The following PIEZO2 variants were observed in gnomAD, a reference collection of about 807,000 sequenced individuals.
The protein encoded by PIEZO2 is piezo-type mechanosensitive ion channel component 2.
Under a neutral mutation model 337.3 loss-of-function variants are expected in PIEZO2, and 172 were observed. The observed-to-expected ratio is 0.51, with a 90% confidence interval of 0.45 to 0.58. PIEZO2 has a LOEUF of 0.58. PIEZO2 is among the 20% of genes least tolerant of loss of function. The pLI, the probability that PIEZO2 is intolerant of heterozygous loss-of-function variation, is 0.00. For missense variants in PIEZO2, 3,028 were observed against 3,391.3 expected (o/e 0.89, Z 2.66); for synonymous variants, 1,251 against 1,228.5 (o/e 1.02, Z -0.38).
At chr18:11,044,866 T>C (rs2037246046) in intron 2 of PIEZO2, among the ~76,000 whole-genome samples, 1 of 152,204 alleles carries the variant, frequency 6.6e-6, no homozygotes, top group Non-Finnish European at 1.5e-5. Flanking sequence ...GAAAATGTAT[T>C]GGCTGGGTGC....
At chr18:10,845,215 A>AAC (rs747507691) in intron 7 of PIEZO2, among the ~76,000 whole-genome samples, 2 of 121,104 alleles carry the variant, frequency 1.7e-5, no homozygotes, top group Non-Finnish European at 3.6e-5. Flanking sequence ...TATATATATA[A>AAC]ACACACACAC....
chr18:11,052,540 T>G (rs928711073), intron 2 of PIEZO2, among the ~76,000 whole-genome samples: 1 of 152,200 alleles, frequency 6.6e-6, no homozygotes, highest in African/African-American at 2.4e-5. Flanking sequence ...ACAAGTCTAA[T>G]TTAATCAGTT....
At chr18:10,680,151 T>G in intron 52 of PIEZO2, 48 bp downstream of exon 52, 3 of 1,510,944 alleles carry the variant, frequency 2.0e-6, no homozygotes, top group Non-Finnish European at 1.8e-6. Context: ...CAACTCCATG[T>G]TTAGACTGGG....
rs551938645 is a variant in PIEZO2, at chr18:10,775,803, T to A, written c.2535-1765A>T. 2.6e-4 allele frequency among the ~76,000 whole-genome samples: 40 copies of A among 152,084 alleles called. No homozygotes were observed. Among genetic ancestry groups the A allele is most frequent in the African/African-American group, 9.4e-4 (39 of 41,486 alleles). On this transcript the variant is annotated intron_variant, in intron 18 of 55. Transcript: ENST00000674853. This position sits in a 1 kb window ranked among gnomAD's most constrained non-coding sequence, Gnocchi z 4.3. ...GGGACAAGATGCAGCTGCGGACAAA[T>A]GAGAAGGGCATCTCTGCATCCAACA...
intron 2 of PIEZO2, among the ~76,000 whole-genome samples, chr18:11,046,316 C>T (rs954978989): frequency 5.9e-5 from 9 of 152,252 alleles, no homozygotes; most frequent in African/African-American, 4.8e-5. Flanking sequence ...TCTCACTGCT[C>T]TCAGCTCACT....
rs1170508646 is a variant in PIEZO2, at chr18:11,116,678, G to A, written c.64+31847C>T. On this transcript the variant is annotated intron_variant, in intron 1 of 55. Coordinates refer to ENST00000674853, the MANE Select transcript of PIEZO2 (RefSeq NM_001378183.1). This position sits in a 1 kb window ranked among gnomAD's most constrained non-coding sequence, Gnocchi z 5.0. ...TTGCAGTGAGCCGAGATCCGCCACC[G>A]CACTCCAGCCTGGGCGACAGAACGA... 5.9e-5 allele frequency among the ~76,000 whole-genome samples: 9 copies of A among 151,360 alleles called. No homozygotes were observed. Among genetic ancestry groups the A allele is most frequent in the Admixed American group, 4.6e-4 (7 of 15,208 alleles).
intron 3 of PIEZO2, among the ~76,000 whole-genome samples, chr18:10,927,844 T>C (rs2031841210): frequency 1.3e-5 from 2 of 152,168 alleles, no homozygotes; most frequent in Non-Finnish European, 2.9e-5. Flanking sequence ...TATAGCAGGC[T>C]CGCTTTATTT....
chr18:11,065,918 A>T (rs1002306675), intron 2 of PIEZO2, among the ~76,000 whole-genome samples: 1 of 152,224 alleles, frequency 6.6e-6, no homozygotes, highest in African/African-American at 2.4e-5. Flanking sequence ...GAATTTGTTA[A>T]CTGTGTAAGT....
intron 2 of PIEZO2, among the ~76,000 whole-genome samples, chr18:10,989,885 T>C (rs2035023687): frequency 6.6e-6 from 1 of 152,204 alleles, no homozygotes; most frequent in Non-Finnish European, 1.5e-5. Context: ...ATACAGCCTT[T>C]CTGGAAGCCA....
chr18:11,141,204 C>A (rs1383618237), intron 1 of PIEZO2, among the ~76,000 whole-genome samples: 1 of 152,150 alleles, frequency 6.6e-6, no homozygotes, highest in Non-Finnish European at 1.5e-5. Context: ...GCTGACGGGG[C>A]CTTCTATCAA....
At chr18:10,793,056 C>T (rs2144191116) in intron 13 of PIEZO2, among the ~76,000 whole-genome samples, 1 of 152,254 alleles carries the variant, frequency 6.6e-6, no homozygotes, top group South Asian at 2.1e-4. Context: ...GAGATCGAGA[C>T]CATCCTGGCT....
At position 10,954,667 on chromosome 18, in the gene PIEZO2, C is replaced by A. The variant is rs1303416169; in HGVS notation, c.286+24868G>T. 6.6e-6 allele frequency among the ~76,000 whole-genome samples: 1 copy of A among 152,114 alleles called. No individual in the cohort carries two copies. Among genetic ancestry groups the A allele is most frequent in the Non-Finnish European group, 1.5e-5 (1 of 68,014 alleles). The stretch of plus-strand genomic sequence containing the variant: ...CTAGAGTGATGGCGGCACTCGAAGT[C>A]CACTGCAGTCCACTTTTGGGACTGG... On this transcript the variant is annotated intron_variant, in intron 3 of 55. Transcript: ENST00000674853. This position sits in a 1 kb window ranked among gnomAD's most constrained non-coding sequence, Gnocchi z 4.2.
chr18:11,045,959 T>A (rs369743156), intron 2 of PIEZO2, among the ~76,000 whole-genome samples: 1 of 152,204 alleles, frequency 6.6e-6, no homozygotes, highest in Non-Finnish European at 1.5e-5. Flanking sequence ...TGCGATAGGT[T>A]GTCGCATGAA....
At chr18:11,058,560 C>T (rs111285098) in intron 2 of PIEZO2, among the ~76,000 whole-genome samples, 4,704 of 152,060 alleles carry the variant, frequency 0.031, 102 homozygotes, top group South Asian at 0.1. Context: ...CTAGAATAAC[C>T]AGTGCAGAGA....
intron 2 of PIEZO2, among the ~76,000 whole-genome samples, chr18:11,052,225 A>G (rs7227092): frequency 0.11 from 17,172 of 152,196 alleles, 1,052 homozygotes; most frequent in South Asian, 0.21. Flanking sequence ...AGTGCTTCAG[A>G]TAAAGAACCT....
In PIEZO2 at chr18:10,781,904, C is replaced by G. The variant is rs1044372061; in HGVS notation, c.2493-1538G>C. Among the ~76,000 whole-genome samples, 13 of 151,928 alleles carry G rather than the reference C, an allele frequency of 8.6e-5. No individual in the cohort carries two copies. Among genetic ancestry groups the G allele is most frequent in the African/African-American group, 3.1e-4 (13 of 41,360 alleles). On this transcript the variant is annotated intron_variant, in intron 17 of 55. Transcript: ENST00000674853. The surrounding 1 kb of genome is among the most constrained non-coding windows in gnomAD (Gnocchi z 4.1). ...AAAGCAACTGTTTAGGAGGCAGGAG[C>G]AGAGAAAGCAAAGCCTGACAGTCAA...
Position 10,714,871 on chromosome 18 carries a change from A to C in PIEZO2, c.5316T>G (p.Leu1772=), listed in dbSNP as rs1268289804. The change falls in exon 39 of 56, where the codon CTT becomes CTG. Residue 1772 remains leucine, a synonymous_variant. Coordinates refer to ENST00000674853, the MANE Select transcript of PIEZO2 (RefSeq NM_001378183.1). ...TGGTGTCCAGTCCCGACTCTCTGGA[A>C]AGGTTCATGATGTGGTTCTGATAGT... ...HMYYQNHIMN[L]SRESGLDTID... is the part of the protein sequence containing the mutation. The C allele has an allele frequency of 6.5e-7, 1 of 1,537,220 alleles. No homozygotes were observed. The highest frequency in any genetic ancestry group is 1.2e-5 in the South Asian group (1 of 84,052).
chr18:10,871,344 A>C lies in PIEZO2; in HGVS notation c.401T>G (p.Leu134Arg). 1 of 1,537,394 alleles carries C rather than the reference A, an allele frequency of 6.5e-7. No homozygotes were observed. The highest frequency in any genetic ancestry group is 8.7e-7 in the Non-Finnish European group (1 of 1,146,890). The change falls in exon 5 of 56, where the codon CTG becomes CGG. Residue 134 changes from leucine to arginine, a missense_variant. Around this residue, in one of 5 missense-constraint regions of PIEZO2, gnomAD observed 542 missense variants for 605.6 expected, o/e 0.89. Transcript: ENST00000674853. ...GTTTCTACAGAGGAGCCAGATGGTC[A>C]GACTAGCAATGAACATCCCGATGTC... Reference protein sequence around the residue: ...VPDIGMFIASLTIWLLCRNIV... With the variant: ...VPDIGMFIASRTIWLLCRNIV...
At chr18:10,778,924 C>G (rs927102981) in intron 18 of PIEZO2, among the ~76,000 whole-genome samples, 1 of 152,178 alleles carries the variant, frequency 6.6e-6, no homozygotes, top group Non-Finnish European at 1.5e-5. Context: ...CTTTACAAAG[C>G]AAATGCTAAA....
Sources: gnomAD v4.1 joint callset for allele counts (sites outside exome capture counted in the v4.1 genomes callset) on GRCh38, gnomAD v4.1.1 for gene constraint, gnomAD v4.1.1 regional missense constraint, Gnocchi (gnomAD v3.1) non-coding constraint, MANE v1.5 for transcripts, NCBI Gene and HGNC (gene_info 2026-07-23, HGNC 2026-07-21) for gene names.